Variants in EVI5 observed in about 807,000 individuals in gnomAD.
EVI5 encodes the protein ecotropic viral integration site 5 protein homolog.
In EVI5, 73 loss-of-function variants were observed where a neutral mutation model predicts 112.0. The observed-to-expected ratio is 0.65, with a 90% CI of 0.54 to 0.79. EVI5 has a LOEUF of 0.79. Among genes scored for constraint, EVI5 ranks in the 30% least tolerant of loss-of-function variants. EVI5 has a pLI of 0.00. For synonymous variants in EVI5, 305 were observed against 319.9 expected, an observed-to-expected ratio of 0.95 and a Z score of 0.50; for missense variants, 900 against 968.8, an observed-to-expected ratio of 0.93 and a Z score of 0.94.
At chr1:92,589,219 C>A (rs976194244) in intron 18 of EVI5, among the ~76,000 whole-genome samples, 6 of 152,134 alleles carry the variant, frequency 3.9e-5, no homozygotes, top group African/African-American at 1.4e-4. Context: ...TCCTGCATTT[C>A]CAACTGAGGT....
chr1:92,614,667 G>C (rs1201220249), intron 16 of EVI5, among the ~76,000 whole-genome samples: 2 of 151,808 alleles, frequency 1.3e-5, no homozygotes, highest in African/African-American at 4.8e-5. Context: ...TCAGACTCCA[G>C]GCTCTTCAGT....
At chr1:92,560,630 C>T (rs527765315) in intron 19 of EVI5, among the ~76,000 whole-genome samples, 3 of 152,060 alleles carry the variant, frequency 2.0e-5, no homozygotes, top group East Asian at 3.9e-4. Flanking sequence ...TCAGTGATCA[C>T]GGTTCACTGC....
At chr1:92,516,454 G>A (rs572076497) in intron 19 of EVI5, among the ~76,000 whole-genome samples, 4 of 152,182 alleles carry the variant, frequency 2.6e-5, no homozygotes, top group Non-Finnish European at 4.4e-5. Context: ...AATAGCAAAC[G>A]TAAAGGAATT....
chr1:92,750,364 A>C (rs1456700601), intron 1 of EVI5, among the ~76,000 whole-genome samples: 2 of 152,202 alleles, frequency 1.3e-5, no homozygotes, highest in African/African-American at 4.8e-5. Context: ...CAAATAAAAA[A>C]TGGTATTTGC....
chr1:92,531,789 C>A (rs1167226597), intron 19 of EVI5, among the ~76,000 whole-genome samples: 3 of 152,142 alleles, frequency 2.0e-5, no homozygotes, highest in Non-Finnish European at 4.4e-5. Context: ...CTGAAGGAAG[C>A]ACTAAACATG....
intron 2 of EVI5, among the ~76,000 whole-genome samples, chr1:92,735,368 C>G (rs1677147006): frequency 1.3e-5 from 2 of 151,906 alleles, no homozygotes; most frequent in African/African-American, 4.8e-5. Context: ...TGCCTGGGGA[C>G]AGCGACGGGG....
intron 14 of EVI5, among the ~76,000 whole-genome samples, chr1:92,631,119 C>A (rs1274492786): frequency 3.3e-5 from 5 of 151,984 alleles, no homozygotes; most frequent in Admixed American, 6.5e-5. Context: ...AGTGTGATGC[C>A]TCCAGCTTTG....
chr1:92,563,349 T>C (rs998631955), intron 19 of EVI5, among the ~76,000 whole-genome samples: 5 of 152,202 alleles, frequency 3.3e-5, no homozygotes, highest in African/African-American at 4.8e-5. Context: ...CTTTGACATC[T>C]ATGCAAACTA....
At chr1:92,630,588 A>G (rs1656812985) in intron 14 of EVI5, among the ~76,000 whole-genome samples, 4 of 152,154 alleles carry the variant, frequency 2.6e-5, no homozygotes, top group Admixed American at 2.6e-4. Context: ...AGATAAGTAG[A>G]TTGCAAAAAT....
chr1:92,562,080 CA>C (rs1402371200), intron 19 of EVI5, among the ~76,000 whole-genome samples: 6 of 152,156 alleles, frequency 3.9e-5, no homozygotes, highest in African/African-American at 1.4e-4. Flanking sequence ...AATGAGACAT[CA>C]AAATTTTAAA....
chr1:92,615,850 G>A (rs1273301735), intron 16 of EVI5, among the ~76,000 whole-genome samples: 4 of 151,956 alleles, frequency 2.6e-5, no homozygotes, highest in African/African-American at 9.7e-5. Flanking sequence ...TGCTACACTT[G>A]AAAAAAACCA....
At chr1:92,526,576 T>C (rs565952928) in intron 19 of EVI5, among the ~76,000 whole-genome samples, 2 of 152,130 alleles carry the variant, frequency 1.3e-5, no homozygotes, top group African/African-American at 4.8e-5. Flanking sequence ...TAAATGCATA[T>C]TGCAAAGCAA....
At chr1:92,687,070 C>T (rs1308368342) in intron 9 of EVI5, among the ~76,000 whole-genome samples, 1 of 152,126 alleles carries the variant, frequency 6.6e-6, no homozygotes, top group Non-Finnish European at 1.5e-5. Context: ...AAAAAAGAGC[C>T]CACATTGCCG....
rs750193482 is a variant in EVI5, at chr1:92,715,068, C to T, written c.150-10324G>A. Reference sequence around the variant, plus strand: ...TCACCCACGATGGAGTGCAGTGGCACGATCTCGGCTCACTGCAACCTCCGC... The same window carrying T: ...TCACCCACGATGGAGTGCAGTGGCATGATCTCGGCTCACTGCAACCTCCGC... On this transcript the variant is annotated intron_variant, in intron 2 of 19. Coordinates refer to ENST00000684568, the MANE Select transcript of EVI5 (RefSeq NM_001350197.2). Among the ~76,000 whole-genome samples, 26 of 151,950 alleles carry T rather than the reference C, an allele frequency of 1.7e-4. 1 individual carries two copies. Among genetic ancestry groups the T allele is most frequent in the Middle Eastern group, 3.4e-3 (1 of 294 alleles).
At chr1:92,715,546 G>A (rs940183751) in intron 2 of EVI5, among the ~76,000 whole-genome samples, 12 of 152,176 alleles carry the variant, frequency 7.9e-5, no homozygotes, top group East Asian at 3.9e-4. Flanking sequence ...CGTGATCGAC[G>A]CAGAAGACGG....
At chr1:92,570,748 G>T (rs1306034802) in intron 18 of EVI5, among the ~76,000 whole-genome samples, 1 of 152,132 alleles carries the variant, frequency 6.6e-6, no homozygotes, top group Non-Finnish European at 1.5e-5. Context: ...CATTAAAGTT[G>T]TTATACAAAA....
chr1:92,598,060 G>A (rs2101470612), intron 18 of EVI5, among the ~76,000 whole-genome samples: 1 of 151,850 alleles, frequency 6.6e-6, no homozygotes, highest in South Asian at 2.1e-4. Flanking sequence ...CCTTTTTTTT[G>A]AAACAGAGGC....
chr1:92,736,145 A>T (rs1677393025), intron 2 of EVI5, among the ~76,000 whole-genome samples: 1 of 151,982 alleles, frequency 6.6e-6, no homozygotes, highest in African/African-American at 2.4e-5. Context: ...TTTACTTTTT[A>T]AAAAATTGAT....
intron 18 of EVI5, among the ~76,000 whole-genome samples, chr1:92,590,583 T>A (rs939963643): frequency 6.6e-6 from 1 of 151,874 alleles, no homozygotes; most frequent in Non-Finnish European, 1.5e-5. Context: ...TAAAAAGAAA[T>A]GAACAGTCTC....
Sources: allele counts gnomAD v4.1 joint callset (sites outside exome capture counted in the v4.1 genomes callset), GRCh38; gene constraint gnomAD v4.1.1; transcripts MANE v1.5; gene names NCBI Gene and HGNC (gene_info 2026-07-23, HGNC 2026-07-21).